OTOGL: variants seen among roughly 807,000 people sequenced by gnomAD.
OTOGL encodes the protein otogelin-like protein.
A neutral mutation model predicts 318.5 loss-of-function variants in OTOGL; 285 were observed. The observed-to-expected ratio is 0.89, with a 90% CI of 0.81 to 0.99. The LOEUF (loss-of-function observed/expected upper bound fraction) is 0.99, where lower values mean the gene tolerates loss of function less well. Among genes scored for constraint, OTOGL ranks in the 50% least tolerant of loss-of-function variants. The pLI, the probability that OTOGL is intolerant of heterozygous loss-of-function variation, is 0.00. For synonymous variants in OTOGL, 987 were observed against 936.5 expected (o/e 1.05, Z -0.99); for missense variants, 2,899 against 2,845.6 (o/e 1.02, Z -0.43).
At chr12:80,104,035 AAAG>A (rs1266146001) in intron 1 of OTOGL, among the ~76,000 whole-genome samples, 4 of 152,200 alleles carry the variant, frequency 2.6e-5, no homozygotes, top group Non-Finnish European at 5.9e-5. Flanking sequence ...GTTGGGCTGA[AAAG>A]ATCAGAATTC....
At chr12:80,323,135 CACACACACACACATAT>C (rs1592707164) in intron 34 of OTOGL, among the ~76,000 whole-genome samples, 1 of 115,004 alleles carries the variant, frequency 8.7e-6, no homozygotes, top group Admixed American at 9.2e-5. Flanking sequence ...CACACACACA[CACACACACACACATAT>C]ATAAAATATT....
chr12:80,121,761 T>G (rs1161083937), intron 1 of OTOGL, among the ~76,000 whole-genome samples: 1 of 152,238 alleles, frequency 6.6e-6, no homozygotes, highest in Non-Finnish European at 1.5e-5. Flanking sequence ...TAGAATCATT[T>G]AAACCCATAG....
At chr12:80,207,236 T>C (rs1311977804) in intron 1 of OTOGL, among the ~76,000 whole-genome samples, 1 of 152,168 alleles carries the variant, frequency 6.6e-6, no homozygotes, top group African/African-American at 2.4e-5. Context: ...AGTTTTACTC[T>C]TGTTGCCCAG....
intron 22 of OTOGL, among the ~76,000 whole-genome samples, chr12:80,267,897 A>G (rs1883118426): frequency 6.6e-6 from 1 of 151,970 alleles, no homozygotes; most frequent in African/African-American, 2.4e-5. Context: ...AAGTCCTTTG[A>G]TCATTTTTTG....
intron 23 of OTOGL, among the ~76,000 whole-genome samples, chr12:80,271,104 A>G (rs1565944840): frequency 1.3e-5 from 2 of 152,032 alleles, no homozygotes; most frequent in Admixed American, 1.3e-4. Context: ...ACTCTGCCCC[A>G]TTTCTTTCAG....
chr12:80,355,835 T>C lies in OTOGL; in HGVS notation c.5693T>C (p.Ile1898Thr). Reference sequence around the variant, plus strand: ...TACAAATGTTTGGAGAATGGAAGCATTATCCCTATAGAACCTGACTGTGAT... The same window carrying C: ...TACAAATGTTTGGAGAATGGAAGCACTATCCCTATAGAACCTGACTGTGAT... ...TLYKCLENGS[I>T]IPIEPDCDEE... Residue 1898 changes from isoleucine (I) to threonine (T), a missense_variant, in exon 47 of 59, where the codon ATT becomes ACT. Transcript: ENST00000547103. 1.9e-6 allele frequency: 3 copies of C among 1,613,932 alleles called. No individual in the cohort carries two copies. Among genetic ancestry groups the C allele is most frequent in the Non-Finnish European group, 2.5e-6 (3 of 1,179,860 alleles).
At chr12:80,296,721 GT>G in intron 26 of OTOGL, 105 bp from the exon 27 acceptor site, 1 of 896,660 alleles carries the variant, frequency 1.1e-6, no homozygotes, top group Non-Finnish European at 1.5e-6. Flanking sequence ...TTGTTTTTCA[GT>G]TCTAATGCAA....
chr12:80,249,879 T>C (rs1205604309), intron 11 of OTOGL, among the ~76,000 whole-genome samples: 3 of 152,170 alleles, frequency 2.0e-5, no homozygotes, highest in Non-Finnish European at 4.4e-5. Flanking sequence ...GCGCCGTTTT[T>C]TAAGCCGGTC....
chr12:80,150,333 G>A (rs1486082311), intron 1 of OTOGL, among the ~76,000 whole-genome samples: 1 of 152,124 alleles, frequency 6.6e-6, no homozygotes, highest in Non-Finnish European at 1.5e-5. Context: ...GTTTCTTGCT[G>A]AACATAATGT....
chr12:80,244,146 A>G (rs1223887987), intron 11 of OTOGL, among the ~76,000 whole-genome samples: 1 of 150,632 alleles, frequency 6.6e-6, no homozygotes, highest in East Asian at 1.9e-4. Flanking sequence ...TGGAAGAAGG[A>G]CGAAAGTCCT....
At chr12:80,244,314 TC>T (rs1243348958) in intron 11 of OTOGL, among the ~76,000 whole-genome samples, 8 of 82,758 alleles carry the variant, frequency 9.7e-5, no homozygotes, top group Non-Finnish European at 1.8e-4. Flanking sequence ...ATGCTATCCC[TC>T]CCCCCTCCCC....
intron 15 of OTOGL, among the ~76,000 whole-genome samples, 176 bp downstream of exon 15, chr12:80,254,746 A>C (rs1881878523): frequency 6.6e-6 from 1 of 152,012 alleles, no homozygotes; most frequent in South Asian, 2.1e-4. Flanking sequence ...TGAGTGGGCA[A>C]CTTTGGTAAA....
Position 80,236,506 on chromosome 12 carries a change from C to CT in OTOGL, c.818-2344dup, listed in dbSNP as rs556269225. Among the ~76,000 whole-genome samples the CT allele has an allele frequency of 1.3e-3, 198 of 152,192 alleles. 2 individuals carry two copies. The highest frequency in any genetic ancestry group is 4.4e-3 in the African/African-American group (182 of 41,520). ...TCAAAAGCTGCAATTAAAGTGAACT[C>CT]TAAGGGATTGGCCAGGTTGTTTAGT... On this transcript the variant is annotated intron_variant, in intron 9 of 58. Coordinates refer to ENST00000547103, the MANE Select transcript of OTOGL (RefSeq NM_001378609.3).
chr12:80,252,047 A>C, intron 12 of OTOGL, 29 bp from the exon 13 acceptor site: 2 of 1,485,892 alleles, frequency 1.3e-6, no homozygotes, highest in Non-Finnish European at 1.8e-6. Context: ...AATAAAATTG[A>C]CTTAAGCTCC....
At chr12:80,172,340 TC>T (rs1874258698) in intron 1 of OTOGL, among the ~76,000 whole-genome samples, 1 of 152,214 alleles carries the variant, frequency 6.6e-6, no homozygotes. Flanking sequence ...GTCATTTCAT[TC>T]CTTCTATTGT....
intron 1 of OTOGL, among the ~76,000 whole-genome samples, chr12:80,180,653 A>G (rs1259332603): frequency 6.6e-6 from 1 of 152,192 alleles, no homozygotes; most frequent in Non-Finnish European, 1.5e-5. Flanking sequence ...ATTACCTTCA[A>G]AATCCAAAAG....
intron 28 of OTOGL, among the ~76,000 whole-genome samples, chr12:80,304,359 T>G (rs1028838673): frequency 6.6e-6 from 1 of 152,154 alleles, no homozygotes; most frequent in African/African-American, 2.4e-5. Context: ...GAATATTTAT[T>G]TGAACATTTT....
Position 80,103,346 on chromosome 12 carries a change from C to T in OTOGL, c.-20+3741C>T, listed in dbSNP as rs1324426178. 1.9e-5 allele frequency: 26 copies of T among 1,355,026 alleles called. No homozygotes were observed. In the East Asian group the frequency reaches 4.6e-4, roughly 24 times the overall value. 83.9% of individuals were successfully genotyped at this position (1,355,026 alleles called of 1,614,324 possible). A position where few individuals can be genotyped will look rare whatever the true frequency, so the allele number is the denominator to read the frequency against. On this transcript the variant is annotated intron_variant, in intron 1 of 58. Coordinates refer to ENST00000547103, the MANE Select transcript of OTOGL (RefSeq NM_001378609.3). ...GATTAAACTTCATTTTGGCCGCTCC[C>T]GCTTCGGTGATCGATCTTCTTTTCT...
chr12:80,305,532 A>C (rs754900724), intron 28 of OTOGL, 44 bp from the exon 29 acceptor site: 2 of 1,389,544 alleles, frequency 1.4e-6, no homozygotes, highest in African/African-American at 2.9e-5. Flanking sequence ...TTTAAATGTT[A>C]AAGTGAAAAC....
Sources: allele counts gnomAD v4.1 joint callset (sites outside exome capture counted in the v4.1 genomes callset), GRCh38; gene constraint gnomAD v4.1.1; transcripts MANE v1.5; gene names NCBI Gene and HGNC (gene_info 2026-07-23, HGNC 2026-07-21).